RNF43: variants seen among roughly 807,000 people sequenced by gnomAD.
RNF43 encodes the protein ring finger protein 43.
In RNF43, 37 loss-of-function variants were observed where a neutral mutation model predicts 78.4. The observed-to-expected ratio is 0.47, with a 90% confidence interval of 0.36 to 0.62. The LOEUF (loss-of-function observed/expected upper bound fraction) is 0.62, where lower values mean the gene tolerates loss of function less well. Ranked by LOEUF, RNF43 falls within the 20% of genes least tolerant of loss-of-function variation. The probability of loss-of-function intolerance (pLI) is 0.00; values close to 1 mark genes in which losing one functional copy is unlikely to be tolerated. For synonymous variants in RNF43, 347 were observed against 395.0 expected (o/e 0.88, Z 1.44); for missense variants, 774 against 1,007.9 (o/e 0.77, Z 3.14).
chr17:58,405,752 AAGAAAG>A (rs1194173064), intron 2 of RNF43, among the ~76,000 whole-genome samples: 1 of 150,968 alleles, frequency 6.6e-6, no homozygotes, highest in African/African-American at 2.5e-5. Flanking sequence ...GAAAGAAAGA[AAGAAAG>A]AAAGAAAAAG....
chr17:58,410,565 T>A (rs1974008950), intron 2 of RNF43, among the ~76,000 whole-genome samples: 8 of 152,232 alleles, frequency 5.3e-5, no homozygotes, highest in Admixed American at 4.6e-4. Flanking sequence ...AAATTTCTAT[T>A]TCAAAATTTC....
chr17:58,412,822 GTTTT>G (rs573724897), intron 2 of RNF43, among the ~76,000 whole-genome samples: 1 of 144,598 alleles, frequency 6.9e-6, no homozygotes, highest in Non-Finnish European at 1.5e-5. Flanking sequence ...TAACAACATG[GTTTT>G]TTTTTTTTTA....
chr17:58,357,102 C>G lies in RNF43; in HGVS notation c.2308+366G>C. The G allele has an allele frequency of 1.5e-6, 1 of 650,050 alleles. No individual in the cohort carries two copies. The highest frequency in any genetic ancestry group is 2.8e-6 in the Non-Finnish European group (1 of 358,160). 40.3% of individuals were successfully genotyped at this position (650,050 alleles called of 1,614,324 possible). A position where few individuals can be genotyped will look rare whatever the true frequency, so the allele number is the denominator to read the frequency against. ...AGAGATAGGGTTTCACCATGTTGGC[C>G]AGGTTGGTCTTGAACTCCTGGCCTC... is the stretch of plus-strand genomic sequence containing the variant. On this transcript the variant is annotated intron_variant, in intron 9 of 9. Coordinates refer to ENST00000407977, the MANE Select transcript of RNF43 (RefSeq NM_017763.6). This position sits in a 1 kb window ranked among gnomAD's most constrained non-coding sequence, Gnocchi z 4.5.
chr17:58,355,771 G>T (rs1972673416), intron 9 of RNF43, among the ~76,000 whole-genome samples: 1 of 152,186 alleles, frequency 6.6e-6, no homozygotes, highest in Non-Finnish European at 1.5e-5. Flanking sequence ...GTGAGCAGTG[G>T]AGCTGTGGTG....
intron 2 of RNF43, among the ~76,000 whole-genome samples, chr17:58,379,272 A>G (rs960883720): frequency 6.6e-6 from 1 of 152,184 alleles, no homozygotes; most frequent in Non-Finnish European, 1.5e-5. Flanking sequence ...TTAACAAGAC[A>G]GAAGCAGGAT....
rs757680292 is a variant in RNF43 at position 58,363,349 on chromosome 17, C to T, written c.508G>A (p.Glu170Lys). 74 of 1,613,874 alleles carry T rather than the reference C, an allele frequency of 4.6e-5. No homozygotes were observed. In the East Asian group the frequency reaches 1.6e-3, roughly 34 times the overall value. ...TTGTACACAAACTCCATCAGCTTCT[C>T]AGCGTCATTACCCCAGATCAACACC... ...PVVLIWGNDAEKLMEFVYKNQ... is the reference protein window; with the variant it reads ...PVVLIWGNDAKKLMEFVYKNQ... Residue 170 changes from glutamate to lysine, a missense_variant, in exon 5 of 10, where the codon GAG becomes AAG. Transcript: ENST00000407977.
intron 2 of RNF43, among the ~76,000 whole-genome samples, chr17:58,373,804 C>T (rs1199067057): frequency 1.3e-5 from 2 of 152,066 alleles, no homozygotes; most frequent in Non-Finnish European, 2.9e-5. Flanking sequence ...TAACCATCTC[C>T]ATCTCCCCAC....
intron 2 of RNF43, among the ~76,000 whole-genome samples, chr17:58,390,394 G>T (rs1242919912): frequency 1.3e-5 from 2 of 152,182 alleles, no homozygotes; most frequent in Non-Finnish European, 2.9e-5. Flanking sequence ...CAAATGTTAA[G>T]ATATTGTTTT....
chr17:58,358,006 C>G lies in RNF43; in HGVS notation c.1770G>C (p.Glu590Asp), dbSNP rs2143400525. 3 of 1,600,560 alleles carry G rather than the reference C, an allele frequency of 1.9e-6. No individual in the cohort carries two copies. The highest frequency in any genetic ancestry group is 2.6e-6 in the Non-Finnish European group (3 of 1,174,054). Residue 590 changes from glutamate (E) to aspartate (D), a missense_variant, in exon 9 of 10, where the codon GAG becomes GAC. Physicochemically the swap from Glu to Asp is conservative, Grantham distance 45. Coordinates refer to ENST00000407977, the MANE Select transcript of RNF43 (RefSeq NM_017763.6). This position sits in a 1 kb window ranked among gnomAD's most constrained non-coding sequence, Gnocchi z 6.2. ...PPIPRTQPQP[E>D]PPSPDQQVTR... ...TGACTTGCTGATCAGGAGAAGGTGG[C>G]TCTGGCTGGGGCTGTGTCCGAGGAA...
At chr17:58,416,029 C>A (rs1370821350) in intron 1 of RNF43, 67 bp from the exon 2 acceptor site, 2 of 195,682 alleles carry the variant, frequency 1.0e-5, no homozygotes, top group Non-Finnish European at 2.2e-5. Context: ...CAAAGGTGAG[C>A]GTGAAGAACT....
chr17:58,355,780 T>C (rs904160405), intron 9 of RNF43, among the ~76,000 whole-genome samples: 3 of 152,142 alleles, frequency 2.0e-5, no homozygotes, highest in African/African-American at 4.8e-5. Flanking sequence ...GGAGCTGTGG[T>C]GCACAACTTT....
intron 6 of RNF43, among the ~76,000 whole-genome samples, chr17:58,361,806 C>T (rs1015105851): frequency 2.6e-5 from 4 of 152,218 alleles, no homozygotes; most frequent in Non-Finnish European, 1.5e-5. Flanking sequence ...ATTTACTGTT[C>T]TCTCTGCCTA....
chr17:58,362,265 C>T (rs1313079855), intron 6 of RNF43, among the ~76,000 whole-genome samples: 1 of 152,076 alleles, frequency 6.6e-6, no homozygotes, highest in African/African-American at 2.4e-5. Flanking sequence ...AATAAAAAAG[C>T]TCTTTGAGGG....
intron 2 of RNF43, among the ~76,000 whole-genome samples, chr17:58,386,037 G>C (rs1973425607): frequency 6.6e-6 from 1 of 152,158 alleles, no homozygotes; most frequent in Non-Finnish European, 1.5e-5. Flanking sequence ...TTGAGCCCAG[G>C]AGGTTGAGGC....
downstream of RNF43, chr17:58,353,404 G>A (rs556106423): frequency 8.5e-5 from 17 of 199,136 alleles, 1 homozygote; most frequent in African/African-American, 3.9e-4. Flanking sequence ...ACTGAAGTAT[G>A]ATAATGTGTG....
chr17:58,405,388 T>C (rs1278337869), intron 2 of RNF43, among the ~76,000 whole-genome samples: 1 of 152,168 alleles, frequency 6.6e-6, no homozygotes, highest in African/African-American at 2.4e-5. Context: ...GTAGTACTTC[T>C]TTCTCTAACT....
At chr17:58,371,071 G>A (rs769932281) in intron 2 of RNF43, 38 bp from the exon 3 acceptor site, 2 of 1,526,266 alleles carry the variant, frequency 1.3e-6, no homozygotes, top group Non-Finnish European at 8.9e-7. Flanking sequence ...GGAGGCTTTA[G>A]GCAGCAGGAG....
intron 3 of RNF43, 61 bp downstream of exon 3, chr17:58,370,850 C>A (rs2143512336): frequency 6.9e-7 from 1 of 1,455,398 alleles, no homozygotes; most frequent in Non-Finnish European, 9.2e-7. Context: ...AGCACAGGGT[C>A]TTCTCACAGC....
Position 58,360,729 on chromosome 17 carries a change from C to G in RNF43, c.849+54G>C, listed in dbSNP as rs1168300936. On this transcript the variant is annotated intron_variant, in intron 7 of 9. Coordinates refer to ENST00000407977, the MANE Select transcript of RNF43 (RefSeq NM_017763.6). The surrounding 1 kb of genome is among the most constrained non-coding windows in gnomAD (Gnocchi z 4.3). ...CCCCTAGGCCTGCCCACCCCTCCCC[C>G]AGCTTCAATCTCCCCAGTCTGGTCA... 8 of 1,544,952 alleles carry G rather than the reference C, an allele frequency of 5.2e-6. No individual in the cohort carries two copies. Among genetic ancestry groups the G allele is most frequent in the Non-Finnish European group, 7.0e-6 (8 of 1,144,330 alleles).
Sources: gnomAD v4.1 joint callset for allele counts (sites outside exome capture counted in the v4.1 genomes callset) on GRCh38, gnomAD v4.1.1 for gene constraint, Gnocchi (gnomAD v3.1) non-coding constraint, MANE v1.5 for transcripts, NCBI Gene and HGNC (gene_info 2026-07-23, HGNC 2026-07-21) for gene names.